ZNF804A: variants seen among roughly 807,000 people sequenced by gnomAD.
ZNF804A encodes zinc finger protein 804A.
A neutral mutation model predicts 16.5 loss-of-function variants in ZNF804A; 2 were observed. The ratio of observed to expected loss-of-function variants is 0.12; its 90% confidence interval spans 0.05 to 0.38. ZNF804A has a LOEUF of 0.38. Among genes scored for constraint, ZNF804A ranks in the 10% least tolerant of loss-of-function variants. ZNF804A has a pLI of 0.99. For missense variants in ZNF804A, 1,473 were observed against 1,390.7 expected, an observed-to-expected ratio of 1.06 and a Z score of -0.94; for synonymous variants, 534 against 489.6, an observed-to-expected ratio of 1.09 and a Z score of -1.20.
chr2:184,675,526 G>T (rs1345515272), intron 1 of ZNF804A, among the ~76,000 whole-genome samples: 1 of 151,732 alleles, frequency 6.6e-6, no homozygotes, highest in Admixed American at 6.6e-5. Flanking sequence ...CAAAACCTGA[G>T]ATACCTAGAT....
chr2:184,795,405 G>T (rs886102785), intron 1 of ZNF804A, among the ~76,000 whole-genome samples: 5 of 152,024 alleles, frequency 3.3e-5, no homozygotes, highest in African/African-American at 1.2e-4. Context: ...CAAAACCTCT[G>T]CAGTACAACA....
At chr2:184,637,258 T>G (rs939120746) in intron 1 of ZNF804A, among the ~76,000 whole-genome samples, 3 of 152,140 alleles carry the variant, frequency 2.0e-5, no homozygotes, top group Non-Finnish European at 4.4e-5. Context: ...GCAGATGAGA[T>G]GTGAATTATT....
intron 1 of ZNF804A, among the ~76,000 whole-genome samples, chr2:184,703,980 T>C (rs564502308): frequency 6.6e-6 from 1 of 152,184 alleles, no homozygotes; most frequent in South Asian, 2.1e-4. Context: ...ATAAACTACT[T>C]TGTTTTATTT....
chr2:184,736,872 T>C (rs1238427611), intron 1 of ZNF804A, among the ~76,000 whole-genome samples: 2 of 151,542 alleles, frequency 1.3e-5, no homozygotes, highest in Admixed American at 6.6e-5. Context: ...TTTTTTTTTT[T>C]CTGCATAAAG....
At position 184,852,298 on chromosome 2, in the gene ZNF804A, A is replaced by G. The variant is rs916385612; in HGVS notation, c.112-14071A>G. Among the ~76,000 whole-genome samples, 21 of 148,446 alleles carry G rather than the reference A, an allele frequency of 1.4e-4. 1 individual carries two copies. The highest frequency in any genetic ancestry group is 4.9e-4 in the African/African-American group (20 of 40,458). On this transcript the variant is annotated intron_variant, in intron 1 of 3. Transcript: ENST00000302277. ...ATATCCGATTGTACTGCATTCACCT[A>G]TTTTTTGGATGGTTGACCATCAGTA...
chr2:184,682,488 T>C (rs938109701), intron 1 of ZNF804A, among the ~76,000 whole-genome samples: 1 of 152,194 alleles, frequency 6.6e-6, no homozygotes, highest in African/African-American at 2.4e-5. Flanking sequence ...GACTTTTTTT[T>C]GCTTGAGAAT....
chr2:184,823,902 T>C (rs1387806017), intron 1 of ZNF804A, among the ~76,000 whole-genome samples: 2 of 152,188 alleles, frequency 1.3e-5, no homozygotes, highest in African/African-American at 4.8e-5. Context: ...TGCCTTTAAA[T>C]CTTATATCAA....
At chr2:184,869,083 T>G (rs1397001368) in intron 2 of ZNF804A, among the ~76,000 whole-genome samples, 1 of 151,988 alleles carries the variant, frequency 6.6e-6, no homozygotes, top group Non-Finnish European at 1.5e-5. Flanking sequence ...ATTTTGGATT[T>G]TCGGATGTGG....
intron 1 of ZNF804A, among the ~76,000 whole-genome samples, chr2:184,804,631 C>A (rs1344290604): frequency 1.3e-5 from 2 of 152,038 alleles, no homozygotes; most frequent in Admixed American, 6.6e-5. Flanking sequence ...AATTAAACAG[C>A]TATAAAATTG....
intron 1 of ZNF804A, among the ~76,000 whole-genome samples, chr2:184,715,195 T>C (rs375456545): frequency 7.9e-5 from 12 of 152,126 alleles, no homozygotes; most frequent in South Asian, 4.1e-4. Flanking sequence ...TCTGGACTTA[T>C]AGAATGAGTG....
At chr2:184,709,868 T>A (rs1389197654) in intron 1 of ZNF804A, among the ~76,000 whole-genome samples, 4 of 148,454 alleles carry the variant, frequency 2.7e-5, no homozygotes, top group Non-Finnish European at 4.5e-5. Context: ...AAATATATAA[T>A]ATATTTTAAG....
chr2:184,659,231 G>C (rs1437752667), intron 1 of ZNF804A, among the ~76,000 whole-genome samples: 1 of 152,114 alleles, frequency 6.6e-6, no homozygotes, highest in Non-Finnish European at 1.5e-5. Flanking sequence ...TATTACTACA[G>C]AGGTTAAGAC....
At chr2:184,844,940 C>T (rs1695491278) in intron 1 of ZNF804A, among the ~76,000 whole-genome samples, 1 of 151,844 alleles carries the variant, frequency 6.6e-6, no homozygotes, top group Non-Finnish European at 1.5e-5. Flanking sequence ...TTCCTTCCTT[C>T]CTTTTTAGTT....
intron 1 of ZNF804A, among the ~76,000 whole-genome samples, chr2:184,809,563 A>G (rs1179605868): frequency 6.6e-6 from 1 of 151,888 alleles, no homozygotes; most frequent in Non-Finnish European, 1.5e-5. Flanking sequence ...GAAGGGAGCC[A>G]TCTAGTTCTT....
At chr2:184,632,724 A>G (rs915822553) in intron 1 of ZNF804A, among the ~76,000 whole-genome samples, 9 of 152,180 alleles carry the variant, frequency 5.9e-5, no homozygotes, top group African/African-American at 1.9e-4. Flanking sequence ...AAATGGCTTA[A>G]CTATCTTATA....
intron 1 of ZNF804A, among the ~76,000 whole-genome samples, chr2:184,807,142 C>A (rs1470780227): frequency 6.6e-6 from 1 of 151,614 alleles, no homozygotes; most frequent in Non-Finnish European, 1.5e-5. Flanking sequence ...AAATCAGAAG[C>A]AAAGAAAACA....
chr2:184,716,413 T>G (rs565303913), intron 1 of ZNF804A, among the ~76,000 whole-genome samples: 3 of 152,060 alleles, frequency 2.0e-5, no homozygotes, highest in Non-Finnish European at 4.4e-5. Flanking sequence ...ATTTACACAA[T>G]TCATGATTTA....
At chr2:184,755,811 GT>G (rs1693951028) in intron 1 of ZNF804A, among the ~76,000 whole-genome samples, 1 of 151,912 alleles carries the variant, frequency 6.6e-6, no homozygotes, top group Non-Finnish European at 1.5e-5. Flanking sequence ...AGTTGGTTTA[GT>G]TGCTTTGTTC....
At chr2:184,902,971 G>C (rs1055373605) in intron 2 of ZNF804A, among the ~76,000 whole-genome samples, 3 of 152,078 alleles carry the variant, frequency 2.0e-5, no homozygotes, top group Non-Finnish European at 2.9e-5. Context: ...TATACCTTAG[G>C]TGTCCCTCAT....
Sources: gnomAD v4.1 joint callset for allele counts (sites outside exome capture counted in the v4.1 genomes callset) on GRCh38, gnomAD v4.1.1 for gene constraint, MANE v1.5 for transcripts, NCBI Gene and HGNC (gene_info 2026-07-23, HGNC 2026-07-21) for gene names.